Variants in SEPTIN7 observed in about 807,000 individuals in gnomAD.
SEPTIN7 encodes the protein septin-7.
Under a neutral mutation model 63.3 loss-of-function variants are expected in SEPTIN7, and 10 were observed. The observed-to-expected ratio is 0.16, with a 90% CI of 0.10 to 0.27. SEPTIN7 has a LOEUF of 0.27. Ranked by LOEUF, SEPTIN7 falls within the 10% of genes least tolerant of loss-of-function variation. The probability of loss-of-function intolerance (pLI) is 1.00; values close to 1 mark genes in which losing one functional copy is unlikely to be tolerated. For synonymous variants in SEPTIN7, 131 were observed against 165.3 expected (o/e 0.79, Z 1.59); for missense variants, 310 against 521.0 (o/e 0.59, Z 3.94).
At chr7:35,847,475 A>T (rs1290511914) in intron 3 of SEPTIN7, 1 of 153,668 alleles carries the variant, frequency 6.5e-6, no homozygotes, top group Non-Finnish European at 1.5e-5. Context: ...TAAATGTCAA[A>T]TTTGGTATTT....
In SEPTIN7 at chr7:35,906,964, C is replaced by A. The variant is rs1360073568; in HGVS notation, c.*2671C>A. ...ATGGTCTCCAAACCTGATGCTATTT[C>A]CTTACAAAAATATTTGTTGAGCATG... is the stretch of plus-strand genomic sequence containing the variant. On this transcript the variant is annotated 3_prime_UTR_variant, in exon 14 of 14. Coordinates refer to ENST00000350320, the MANE Select transcript of SEPTIN7 (RefSeq NM_001788.6). The A allele has an allele frequency of 6.6e-6, 1 of 152,132 alleles. No homozygotes were observed. Among genetic ancestry groups the A allele is most frequent in the Non-Finnish European group, 1.5e-5 (1 of 68,034 alleles). 9.4% of individuals were successfully genotyped at this position (152,132 alleles called of 1,614,324 possible). A position where few individuals can be genotyped will look rare whatever the true frequency, so the allele number is the denominator to read the frequency against.
At chr7:35,889,959 G>C (rs1787535780) in intron 10 of SEPTIN7, among the ~76,000 whole-genome samples, 1 of 152,158 alleles carries the variant, frequency 6.6e-6, no homozygotes, top group Non-Finnish European at 1.5e-5. Context: ...AGAGAGGACT[G>C]ACAATACGGT....
At chr7:35,910,221 C>T (rs1788717163), downstream of SEPTIN7, among the ~76,000 whole-genome samples, 1 of 152,206 alleles carries the variant, frequency 6.6e-6, no homozygotes, top group Non-Finnish European at 1.5e-5. Flanking sequence ...GCTAATGCAG[C>T]TTAGTCCTGT....
rs1583527071 is a variant in SEPTIN7, at chr7:35,832,741, T to G, written c.67-57T>G. On this transcript the variant is annotated intron_variant, in intron 2 of 13. Transcript: ENST00000350320. ...TAGGTTAATGAAGGGAATTTGAAAGTGTGATTGAATAGTACTGTTGATACA... is the reference window on the plus strand; with the variant it reads ...TAGGTTAATGAAGGGAATTTGAAAGGGTGATTGAATAGTACTGTTGATACA... The G allele has an allele frequency of 4.4e-6, 4 of 917,276 alleles. No individual in the cohort carries two copies. The East Asian group carries it at 9.6e-5, about 22-fold the overall frequency. 56.8% of individuals were successfully genotyped at this position (917,276 alleles called of 1,614,324 possible). A position where few individuals can be genotyped will look rare whatever the true frequency, so the allele number is the denominator to read the frequency against.
intron 3 of SEPTIN7, among the ~76,000 whole-genome samples, chr7:35,846,580 G>A (rs775211777): frequency 2.0e-5 from 3 of 152,162 alleles, no homozygotes; most frequent in Admixed American, 6.5e-5. Context: ...CAACTTTGCA[G>A]TGTCTTCAAT....
rs1012342743 is a variant in SEPTIN7 at position 35,905,318 on chromosome 7, G to A, written c.*1025G>A. ...GATGTTGTGATGTAATATTGTGTGA[G>A]GTCTTAAATATCCTACAGTCGATGT... On this transcript the variant is annotated 3_prime_UTR_variant, in exon 14 of 14. Coordinates refer to ENST00000350320, the MANE Select transcript of SEPTIN7 (RefSeq NM_001788.6). The A allele has an allele frequency of 2.6e-5, 4 of 152,526 alleles. No individual in the cohort carries two copies. The highest frequency in any genetic ancestry group is 9.7e-5 in the African/African-American group (4 of 41,412). The allele number at this position is 152,526 out of a possible 1,614,324, so 9.4% of individuals were successfully genotyped here.
chr7:35,815,149 A>G (rs756311171), intron 1 of SEPTIN7: 1 of 448,236 alleles, frequency 2.2e-6, no homozygotes, highest in South Asian at 1.6e-5. Flanking sequence ...TTTTAGGGGT[A>G]CTTCTTTACT....
chr7:35,846,145 T>C (rs188476451), intron 3 of SEPTIN7, among the ~76,000 whole-genome samples: 273 of 152,384 alleles, frequency 1.8e-3, no homozygotes, highest in African/African-American at 6.3e-3. Context: ...TAGGCATAGC[T>C]GTAATACCAT....
chr7:35,851,177 A>G (rs1370035837), intron 3 of SEPTIN7, among the ~76,000 whole-genome samples: 1 of 152,148 alleles, frequency 6.6e-6, no homozygotes, highest in Non-Finnish European at 1.5e-5. Flanking sequence ...CAAAGATAAG[A>G]AGGACATGGG....
intron 7 of SEPTIN7, among the ~76,000 whole-genome samples, chr7:35,882,068 T>C (rs1257569378): frequency 1.3e-5 from 2 of 152,034 alleles, no homozygotes; most frequent in Admixed American, 1.3e-4. Flanking sequence ...CTAAAAATTT[T>C]ACGTGAGTTT....
chr7:35,813,638 G>T (rs192604129), intron 1 of SEPTIN7, among the ~76,000 whole-genome samples: 2 of 152,250 alleles, frequency 1.3e-5, no homozygotes, highest in Admixed American at 6.5e-5. Flanking sequence ...GCCTCCTAAA[G>T]TGCTAAGATT....
At chr7:35,821,888 C>T (rs1444296817) in intron 1 of SEPTIN7, among the ~76,000 whole-genome samples, 2 of 152,112 alleles carry the variant, frequency 1.3e-5, no homozygotes, top group African/African-American at 4.8e-5. Flanking sequence ...AGATGATTCT[C>T]CTGCCTCAGC....
At chr7:35,815,222 A>G in intron 1 of SEPTIN7, 1 of 409,234 alleles carries the variant, frequency 2.4e-6, no homozygotes, top group Non-Finnish European at 4.8e-6. Context: ...CAAGGAGTCC[A>G]GCAACCTTTT....
the SEPTIN7 span, among the ~76,000 whole-genome samples, chr7:35,915,260 T>TAC: frequency 6.8e-6 from 1 of 147,260 alleles, no homozygotes; most frequent in South Asian, 2.1e-4. Context: ...CTCATACACA[T>TAC]ATATATATAT....
intron 3 of SEPTIN7, among the ~76,000 whole-genome samples, chr7:35,855,247 T>A (rs1764878457): frequency 6.6e-6 from 1 of 152,200 alleles, no homozygotes; most frequent in African/African-American, 2.4e-5. Context: ...GTCAGTATAT[T>A]CTTAGCAATT....
chr7:35,852,252 G>C (rs188403809), intron 3 of SEPTIN7, among the ~76,000 whole-genome samples: 18 of 152,292 alleles, frequency 1.2e-4, no homozygotes, highest in African/African-American at 4.3e-4. Flanking sequence ...CTGACACACA[G>C]AAGTATGGTT....
In SEPTIN7 at chr7:35,861,531, G is replaced by A. The variant is rs778468629; in HGVS notation, c.170-2021G>A. Among the ~76,000 whole-genome samples, 9 of 152,280 alleles carry A rather than the reference G, an allele frequency of 5.9e-5. No individual in the cohort carries two copies. The South Asian group carries it at 1.7e-3, about 28-fold the overall frequency. On this transcript the variant is annotated intron_variant, in intron 3 of 13. Transcript: ENST00000350320. ...CTTTTCTGAGCATTTGTGTTGCCTA[G>A]GCCTGTGGGTCGCTTTCTCAATTCC...
At chr7:35,846,997 A>T (rs1257689804) in intron 3 of SEPTIN7, 1 of 154,892 alleles carries the variant, frequency 6.5e-6, no homozygotes, top group African/African-American at 2.4e-5. Context: ...AAGACCATGC[A>T]GATTCCACTG....
intron 4 of SEPTIN7, among the ~76,000 whole-genome samples, chr7:35,869,506 G>A (rs1364366411): frequency 6.6e-6 from 1 of 152,168 alleles, no homozygotes; most frequent in Non-Finnish European, 1.5e-5. Context: ...GCAAGTGAAG[G>A]TAGAGGTAGG....
Sources: allele counts gnomAD v4.1 joint callset (sites outside exome capture counted in the v4.1 genomes callset), GRCh38; gene constraint gnomAD v4.1.1; transcripts MANE v1.5; gene names NCBI Gene and HGNC (gene_info 2026-07-23, HGNC 2026-07-21).